Variants in SH3BP4 observed in about 807,000 individuals in gnomAD.
The protein encoded by SH3BP4 is SH3 domain binding protein 4, also known as SH3 domain-binding protein 4.
A neutral mutation model predicts 65.5 loss-of-function variants in SH3BP4; 33 were observed. The observed-to-expected ratio is 0.50, with a 90% CI of 0.38 to 0.67. The LOEUF (loss-of-function observed/expected upper bound fraction) is 0.67, where lower values mean the gene tolerates loss of function less well. Among genes scored for constraint, SH3BP4 ranks in the 30% least tolerant of loss-of-function variants. The pLI is 0.00. For missense variants in SH3BP4, 1,134 were observed against 1,261.4 expected (o/e 0.90, Z 1.53); for synonymous variants, 552 against 545.5 (o/e 1.01, Z -0.17).
intron 2 of SH3BP4, among the ~76,000 whole-genome samples, chr2:235,028,500 A>T (rs1480482089): frequency 6.6e-6 from 1 of 152,210 alleles, no homozygotes; most frequent in Non-Finnish European, 1.5e-5. Context: ...TCCCTTAAAG[A>T]TTATCCCAGA....
chr2:234,979,187 A>G (rs1463740038), intron 1 of SH3BP4, among the ~76,000 whole-genome samples: 1 of 152,198 alleles, frequency 6.6e-6, no homozygotes, highest in African/African-American at 2.4e-5. Context: ...TCACAAAAAC[A>G]ATGAACACTT....
chr2:234,982,615 G>A (rs995924950), intron 1 of SH3BP4, among the ~76,000 whole-genome samples: 35 of 152,158 alleles, frequency 2.3e-4, no homozygotes, highest in African/African-American at 8.2e-4. Context: ...CACAGGCTGC[G>A]GGGAAGCCTC....
rs10173513 is a variant in SH3BP4 at position 235,026,849 on chromosome 2, C to T, written c.-132-8022C>T. Reference sequence around the variant, plus strand: ...GAGTGAGTCTGATCGGCTGGCGTGCCTGTCGGTGGCTGCCCATGCCTTCCG... The same window carrying T: ...GAGTGAGTCTGATCGGCTGGCGTGCTTGTCGGTGGCTGCCCATGCCTTCCG... On this transcript the variant is annotated intron_variant, in intron 2 of 5. Coordinates refer to ENST00000392011, the MANE Select transcript of SH3BP4 (RefSeq NM_014521.3). The surrounding 1 kb of genome is among the most constrained non-coding windows in gnomAD (Gnocchi z 4.6). 0.12 allele frequency among the ~76,000 whole-genome samples: 17,749 copies of T among 152,138 alleles called. 2,611 individuals carry two copies. Among genetic ancestry groups the T allele is most frequent in the African/African-American group, 0.35 (14,371 of 41,444 alleles).
Position 235,042,762 on chromosome 2 carries a change from G to A in SH3BP4, c.1993G>A (p.Val665Met). The A allele has an allele frequency of 6.2e-7, 1 of 1,614,182 alleles. No individual in the cohort carries two copies. The change falls in exon 4 of 6, where the codon GTG (valine) becomes ATG (methionine). Residue 665 changes from valine to methionine, a missense_variant. By Grantham distance (21) the Val-to-Met change is conservative (BLOSUM62 1). Coordinates refer to ENST00000392011, the MANE Select transcript of SH3BP4 (RefSeq NM_014521.3). The surrounding 1 kb of genome is among the most constrained non-coding windows in gnomAD (Gnocchi z 7.3). Reference sequence around the variant, plus strand: ...CAAGTTTGGTAAGTTGCTCAAGACTGTGGTGCGGCAGAACAAGAACCACTA... The same window carrying A: ...CAAGTTTGGTAAGTTGCTCAAGACTATGGTGCGGCAGAACAAGAACCACTA... ...SLKFGKLLKT[V>M]VRQNKNHYLL...
At chr2:234,985,107 C>T (rs6733112) in intron 1 of SH3BP4, among the ~76,000 whole-genome samples, 1,763 of 152,264 alleles carry the variant, frequency 0.012, 41 homozygotes, top group African/African-American at 0.037. Context: ...CTGTGGTGTG[C>T]TGGGATAGCG....
At position 235,045,255 on chromosome 2, in the gene SH3BP4, C is replaced by T. The variant is rs1290053361; in HGVS notation, c.2478+2008C>T. ...CGTGGAACCTGACAGCATTGCTGAG[C>T]CCAGGACACTCACCTCGACGTTGCA... On this transcript the variant is annotated intron_variant, in intron 4 of 5. Transcript: ENST00000392011. This position sits in a 1 kb window ranked among gnomAD's most constrained non-coding sequence, Gnocchi z 4.3. 2.6e-5 allele frequency among the ~76,000 whole-genome samples: 4 copies of T among 152,114 alleles called. No homozygotes were observed. Among genetic ancestry groups the T allele is most frequent in the Non-Finnish European group, 5.9e-5 (4 of 68,008 alleles).
In SH3BP4 at chr2:235,052,630, G is replaced by C; in HGVS notation, c.2547G>C (p.Thr849=). Residue 849 remains threonine, a synonymous_variant, in exon 5 of 6, where the codon ACG becomes ACC. Transcript: ENST00000392011. This position sits in a 1 kb window ranked among gnomAD's most constrained non-coding sequence, Gnocchi z 5.0. ...TCCAGGACTTTGTGCTCCTGACCAC[G>C]GCTGTAGAGGTGGCCCAGCGCTGGC... The part of the protein sequence containing the change: ...RLIQDFVLLT[T]AVEVAQRWRE... 6.4e-7 allele frequency: 1 copy of C among 1,572,324 alleles called. No individual in the cohort carries two copies. Among genetic ancestry groups the C allele is most frequent in the Non-Finnish European group, 8.6e-7 (1 of 1,159,508 alleles).
intron 3 of SH3BP4, among the ~76,000 whole-genome samples, chr2:235,038,338 AGTATATATATTTTATAT>A (rs1559254401): frequency 1.2e-3 from 8 of 6,854 alleles, no homozygotes; most frequent in African/African-American, 3.5e-3. Context: ...TATTATATAT[AGTATATATATTTTATAT>A]ATATATATAT....
At chr2:234,992,306 C>T (rs1693769894) in intron 1 of SH3BP4, among the ~76,000 whole-genome samples, 1 of 152,190 alleles carries the variant, frequency 6.6e-6, no homozygotes, top group Non-Finnish European at 1.5e-5. Flanking sequence ...GGCTGAGGCC[C>T]TGGACCACAT....
chr2:234,986,809 A>ATT (rs59337610), intron 1 of SH3BP4, among the ~76,000 whole-genome samples: 28 of 133,368 alleles, frequency 2.1e-4, no homozygotes, highest in African/African-American at 3.8e-4. Context: ...TAATGATTTT[A>ATT]TTTTTTTTTT....
chr2:235,032,121 GA>G (rs1209239321), intron 2 of SH3BP4, among the ~76,000 whole-genome samples: 1 of 152,190 alleles, frequency 6.6e-6, no homozygotes, highest in Non-Finnish European at 1.5e-5. Context: ...TGATTAACAG[GA>G]GTCTTCGTTT....
chr2:235,017,045 C>CT (rs995197698), intron 2 of SH3BP4, among the ~76,000 whole-genome samples: 27,977 of 89,112 alleles, frequency 0.31, 3,464 homozygotes, highest in African/African-American at 0.44. Flanking sequence ...GTTTGCCTTT[C>CT]TTTTTTTTTT....
At chr2:235,006,393 A>AT (rs1694296761) in intron 2 of SH3BP4, among the ~76,000 whole-genome samples, 1 of 152,094 alleles carries the variant, frequency 6.6e-6, no homozygotes, top group Admixed American at 6.6e-5. Flanking sequence ...GTGGGGTAGC[A>AT]TTTTTTAGGA....
chr2:234,955,460 T>C (rs1692565378), intron 1 of SH3BP4, among the ~76,000 whole-genome samples: 1 of 152,116 alleles, frequency 6.6e-6, no homozygotes, highest in Non-Finnish European at 1.5e-5. Context: ...AACCAGCTCC[T>C]CGGTGGGCCC....
At chr2:234,970,863 G>T (rs56709153) in intron 1 of SH3BP4, among the ~76,000 whole-genome samples, 6,350 of 151,628 alleles carry the variant, frequency 0.042, 375 homozygotes, top group African/African-American at 0.13. Flanking sequence ...TTTTAACTGC[G>T]TTGGAATTGT....
In SH3BP4 at chr2:235,054,682, G is replaced by A. The variant is rs1001540319; in HGVS notation, c.*866G>A. Reference sequence around the variant, plus strand: ...CCTGCTGCTACGAGGCCATTGTACTGTTTTTTCCTTGAGGTCAAAGCAGTG... The same window carrying A: ...CCTGCTGCTACGAGGCCATTGTACTATTTTTTCCTTGAGGTCAAAGCAGTG... On this transcript the variant is annotated 3_prime_UTR_variant, in exon 6 of 6. Coordinates refer to ENST00000392011, the MANE Select transcript of SH3BP4 (RefSeq NM_014521.3). The A allele has an allele frequency of 6.6e-6, 1 of 152,208 alleles. No individual in the cohort carries two copies. The highest frequency in any genetic ancestry group is 6.5e-5 in the Admixed American group (1 of 15,284). 9.4% of individuals were successfully genotyped at this position (152,208 alleles called of 1,614,324 possible).
chr2:235,021,679 T>C (rs1286878400), intron 2 of SH3BP4, among the ~76,000 whole-genome samples: 1 of 145,864 alleles, frequency 6.9e-6, no homozygotes. Flanking sequence ...AAGGTAAAAA[T>C]AACTGATGGG....
At chr2:234,970,943 A>T (rs1002842758) in intron 1 of SH3BP4, among the ~76,000 whole-genome samples, 1 of 152,190 alleles carries the variant, frequency 6.6e-6, no homozygotes, top group African/African-American at 2.4e-5. Flanking sequence ...GTTACCGGAC[A>T]CAAATTTCTT....
rs536592048 is a variant in SH3BP4, at chr2:234,974,432, C to T, written c.-206-20871C>T. Among the ~76,000 whole-genome samples, 2 of 152,268 alleles carry T rather than the reference C, an allele frequency of 1.3e-5. No homozygotes were observed. Among genetic ancestry groups the T allele is most frequent in the East Asian group, 3.9e-4 (2 of 5,170 alleles). ...TCATGAGTTCCAGCCCATTTCACTG[C>T]TCCATAAAATGCTACGTTGGTGAAA... On this transcript the variant is annotated intron_variant, in intron 1 of 5. Coordinates refer to ENST00000392011, the MANE Select transcript of SH3BP4 (RefSeq NM_014521.3). The surrounding 1 kb of genome is among the most constrained non-coding windows in gnomAD (Gnocchi z 4.6).
Sources: allele counts gnomAD v4.1 joint callset (sites outside exome capture counted in the v4.1 genomes callset), GRCh38; gene constraint gnomAD v4.1.1; non-coding constraint Gnocchi (gnomAD v3.1); transcripts MANE v1.5; gene names NCBI Gene and HGNC (gene_info 2026-07-23, HGNC 2026-07-21).